The following ELK3 variants were observed in gnomAD, a reference collection of about 807,000 sequenced individuals.
The protein encoded by ELK3 is ETS domain-containing protein Elk-3.
ELK3 carries 10 observed loss-of-function variants against 28.9 expected under a neutral mutation model. That is an observed-to-expected ratio of 0.35 (90% CI 0.21 to 0.59). The LOEUF (loss-of-function observed/expected upper bound fraction) is 0.59. Among genes scored for constraint, ELK3 ranks in the 20% least tolerant of loss-of-function variants. The pLI, the probability that ELK3 is intolerant of heterozygous loss-of-function variation, is 0.82. For synonymous variants in ELK3, 272 were observed against 243.5 expected (o/e 1.12, Z -1.09); for missense variants, 463 against 517.3 (o/e 0.90, Z 1.02).
intron 1 of ELK3, among the ~76,000 whole-genome samples, chr12:96,206,030 C>T (rs757805346): frequency 1.3e-5 from 2 of 152,166 alleles, no homozygotes; most frequent in Non-Finnish European, 2.9e-5. Context: ...CCCAAGTGTA[C>T]TGTGAATTCT....
At chr12:96,265,982 A>G (rs1026816680) in intron 4 of ELK3, among the ~76,000 whole-genome samples, 3 of 152,216 alleles carry the variant, frequency 2.0e-5, no homozygotes, top group Admixed American at 2.0e-4. Context: ...GTACAGAAAG[A>G]TTTGTTTAAA....
At chr12:96,253,892 C>T (rs887264017) in intron 3 of ELK3, among the ~76,000 whole-genome samples, 2 of 152,296 alleles carry the variant, frequency 1.3e-5, no homozygotes, top group East Asian at 1.9e-4. Context: ...AGATAGAAAC[C>T]GTTCCTGTTC....
chr12:96,209,162 C>G (rs1400067292), intron 1 of ELK3, among the ~76,000 whole-genome samples: 2 of 152,208 alleles, frequency 1.3e-5, no homozygotes, highest in African/African-American at 4.8e-5. Flanking sequence ...TTTGTAAGCA[C>G]AACAGATTGC....
Position 96,217,979 on chromosome 12 carries a change from G to C in ELK3, c.-2-5586G>C, listed in dbSNP as rs116510969. On this transcript the variant is annotated intron_variant, in intron 1 of 4. Transcript: ENST00000228741. ...AAAATCATTTGTCAACACTGAGAAC[G>C]AAAATCACTTTTCCTCCTCCTCCTT... Among the ~76,000 whole-genome samples the C allele has an allele frequency of 1.9e-3, 290 of 149,514 alleles. 2 individuals carry two copies. Among genetic ancestry groups the C allele is most frequent in the Middle Eastern group, 7.0e-3 (2 of 286 alleles).
intron 4 of ELK3, among the ~76,000 whole-genome samples, chr12:96,265,673 T>C (rs1952024131): frequency 6.6e-6 from 1 of 152,170 alleles, no homozygotes; most frequent in African/African-American, 2.4e-5. Context: ...AGCCAGACCC[T>C]ATCTCTAAAT....
chr12:96,206,423 TCTC>T (rs1173275224), intron 1 of ELK3, among the ~76,000 whole-genome samples: 1 of 152,074 alleles, frequency 6.6e-6, no homozygotes, highest in Non-Finnish European at 1.5e-5. Context: ...TTAAAGCGAT[TCTC>T]CTGCCTCAGC....
At chr12:96,216,275 A>AC (rs1245879391) in intron 1 of ELK3, among the ~76,000 whole-genome samples, 1 of 152,038 alleles carries the variant, frequency 6.6e-6, no homozygotes, top group African/African-American at 2.4e-5. Context: ...AGCCGAATGT[A>AC]CCCCAGGGAA....
chr12:96,214,162 G>A (rs1951594552), intron 1 of ELK3, among the ~76,000 whole-genome samples: 1 of 152,100 alleles, frequency 6.6e-6, no homozygotes, highest in Non-Finnish European at 1.5e-5. Context: ...CAGACACGGT[G>A]GCTCACGCTT....
intron 1 of ELK3, among the ~76,000 whole-genome samples, chr12:96,213,282 A>G (rs1293657876): frequency 6.6e-6 from 1 of 152,220 alleles, no homozygotes; most frequent in Non-Finnish European, 1.5e-5. Context: ...TTTACCCTGC[A>G]GATTGACCAC....
rs1240706645 is a variant in ELK3, at chr12:96,200,358, G to A, written c.-3+5653G>A. Among the ~76,000 whole-genome samples, 3 of 152,018 alleles carry A rather than the reference G, an allele frequency of 2.0e-5. No homozygotes were observed. In the East Asian group the frequency reaches 5.8e-4, roughly 29 times the overall value. ...CAAGCAATAGAGTAAAGAAAACGAG[G>A]CTCTTGGTATCTTCCCCTCTCTCTT... is the stretch of plus-strand genomic sequence containing the variant. On this transcript the variant is annotated intron_variant, in intron 1 of 4. Transcript: ENST00000228741.
chr12:96,247,159 T>G lies in ELK3; in HGVS notation c.427T>G (p.Tyr143Asp). The change falls in exon 3 of 5, where the codon TAC becomes GAC. Residue 143 changes from tyrosine to aspartate, a missense_variant. Around this residue, in one of 2 missense-constraint regions of ELK3, gnomAD observed 408 missense variants for 414.8 expected, o/e 0.98. Coordinates refer to ENST00000228741, the MANE Select transcript of ELK3 (RefSeq NM_005230.4). This position sits in a 1 kb window ranked among gnomAD's most constrained non-coding sequence, Gnocchi z 5.5. ...CAACGAATACATCCACTCAGGCCTG[T>G]ACTCGTCCTTCACCATTAATTCCCT... ...SRNEYIHSGL[Y>D]SSFTINSLQN... 1 of 1,613,884 alleles carries G rather than the reference T, an allele frequency of 6.2e-7. No individual in the cohort carries two copies. The highest frequency in any genetic ancestry group is 8.5e-7 in the Non-Finnish European group (1 of 1,179,904).
Position 96,241,060 on chromosome 12 carries a change from T to A in ELK3, c.208-5880T>A, listed in dbSNP as rs548721338. 2.0e-5 allele frequency among the ~76,000 whole-genome samples: 3 copies of A among 151,500 alleles called. No individual in the cohort carries two copies. In the East Asian group the frequency reaches 5.8e-4, roughly 29 times the overall value. On this transcript the variant is annotated intron_variant, in intron 2 of 4. Transcript: ENST00000228741. ...ATGGCCTCTAATATCTGCCTGGGAG[T>A]TTTCAGTTTAAAAATGCCAGCAAAG...
intron 2 of ELK3, among the ~76,000 whole-genome samples, chr12:96,235,082 A>G (rs972911575): frequency 6.6e-6 from 1 of 152,088 alleles, no homozygotes; most frequent in East Asian, 1.9e-4. Context: ...TCCTATGGAA[A>G]GTACTGGAGC....
intron 1 of ELK3, among the ~76,000 whole-genome samples, chr12:96,202,043 C>T (rs530440631): frequency 6.6e-6 from 1 of 152,278 alleles, no homozygotes; most frequent in Non-Finnish European, 1.5e-5. Flanking sequence ...ATTCCTCCTC[C>T]TTCCTTCTGA....
chr12:96,201,716 T>C (rs1423910814), intron 1 of ELK3, among the ~76,000 whole-genome samples: 1 of 152,150 alleles, frequency 6.6e-6, no homozygotes, highest in Non-Finnish European at 1.5e-5. Context: ...AAGTGTGATA[T>C]GAACTTCTTG....
Position 96,268,534 on chromosome 12 carries a change from C to T in ELK3, c.*1354C>T, listed in dbSNP as rs1051798950. On this transcript the variant is annotated 3_prime_UTR_variant, in exon 5 of 5. Transcript: ENST00000228741. ...CAGGCACCAGTCCAAAGGTACCACACCTGTACATGAAGAAGGAAAGTTCTA... is the reference window on the plus strand; with the variant it reads ...CAGGCACCAGTCCAAAGGTACCACATCTGTACATGAAGAAGGAAAGTTCTA... The T allele has an allele frequency of 6.6e-6, 1 of 152,126 alleles. No homozygotes were observed. Among genetic ancestry groups the T allele is most frequent in the Non-Finnish European group, 1.5e-5 (1 of 68,024 alleles). The allele number at this position is 152,126 out of a possible 1,614,324, so 9.4% of individuals were successfully genotyped here.
chr12:96,258,329 G>A (rs1264356732), intron 3 of ELK3, among the ~76,000 whole-genome samples: 1 of 152,210 alleles, frequency 6.6e-6, no homozygotes, highest in Non-Finnish European at 1.5e-5. Context: ...GAAATGCCAT[G>A]GAACCAACGA....
At chr12:96,228,416 C>CAA (rs71091236) in intron 2 of ELK3, among the ~76,000 whole-genome samples, 918 of 68,250 alleles carry the variant, frequency 0.013, 60 homozygotes, top group Non-Finnish European at 0.018. Context: ...GACTCTGTGT[C>CAA]AAAAAAAAAA....
Position 96,220,850 on chromosome 12 carries a change from G to C in ELK3, c.-2-2715G>C, listed in dbSNP as rs116197739. On this transcript the variant is annotated intron_variant, in intron 1 of 4. Transcript: ENST00000228741. ...GTTGCCCCAAGATCACTGGCTTACA[G>C]TGGCATTTATTTTTCTCACAAGTCA... 8.5e-3 allele frequency among the ~76,000 whole-genome samples: 1,292 copies of C among 152,310 alleles called. 15 individuals carry two copies. The highest frequency in any genetic ancestry group is 0.03 in the African/African-American group (1,244 of 41,568).
Sources: allele counts gnomAD v4.1 joint callset (sites outside exome capture counted in the v4.1 genomes callset), GRCh38; gene constraint gnomAD v4.1.1; regional missense constraint gnomAD v4.1.1; non-coding constraint Gnocchi (gnomAD v3.1); transcripts MANE v1.5; gene names NCBI Gene and HGNC (gene_info 2026-07-23, HGNC 2026-07-21).